The following FHIT variants were observed in gnomAD, a reference collection of about 807,000 sequenced individuals.
FHIT encodes the protein bis(5'-adenosyl)-triphosphatase.
FHIT carries 19 observed loss-of-function variants against 17.9 expected under a neutral mutation model. That is an observed-to-expected ratio of 1.06 (90% CI 0.74 to 1.56). The LOEUF is 1.56. Among genes scored for constraint, FHIT ranks in the 40% most tolerant of loss-of-function variants. The pLI, the probability that FHIT is intolerant of heterozygous loss-of-function variation, is 0.00. For synonymous variants in FHIT, 81 were observed against 69.7 expected, an observed-to-expected ratio of 1.16 and a Z score of -0.81; for missense variants, 248 against 189.2, an observed-to-expected ratio of 1.31 and a Z score of -1.82.
At position 60,607,623 on chromosome 3, in the gene FHIT, C is replaced by T. The variant is rs183604441; in HGVS notation, c.-17-70644G>A. On this transcript the variant is annotated intron_variant, in intron 4 of 9. Transcript: ENST00000492590. ...GTATCACAATTTCCCACACCACATG[C>T]GTGATAGATGTGTCTTCAACATTTG... Among the ~76,000 whole-genome samples the T allele has an allele frequency of 1.8e-3, 280 of 152,074 alleles. 1 individual carries two copies. Among genetic ancestry groups the T allele is most frequent in the Admixed American group, 0.012 (181 of 15,276 alleles).
chr3:61,134,100 T>TACACACACACACACACACACACACAC (rs150931006), intron 2 of FHIT, among the ~76,000 whole-genome samples: 1,399 of 134,886 alleles, frequency 0.01, 31 homozygotes, highest in South Asian at 0.025. Flanking sequence ...CACACACACA[T>TACACACACACACACACACACACACAC]ACACACACAC....
intron 5 of FHIT, among the ~76,000 whole-genome samples, chr3:60,076,876 C>A (rs1434363230): frequency 6.6e-6 from 1 of 151,476 alleles, no homozygotes; most frequent in South Asian, 2.1e-4. Flanking sequence ...AAGTGAGACA[C>A]GACTGACTGA....
At chr3:60,916,365 A>C (rs1707000579) in intron 3 of FHIT, among the ~76,000 whole-genome samples, 1 of 152,224 alleles carries the variant, frequency 6.6e-6, no homozygotes, top group African/African-American at 2.4e-5. Context: ...ATAACAATTC[A>C]TGCTTCTATT....
At chr3:60,380,388 G>A (rs1700748020) in intron 5 of FHIT, among the ~76,000 whole-genome samples, 1 of 152,132 alleles carries the variant, frequency 6.6e-6, no homozygotes, top group Non-Finnish European at 1.5e-5. Context: ...ACAGATGTTG[G>A]TGCCATGCTT....
At chr3:60,025,161 T>G (rs1700694917) in intron 5 of FHIT, among the ~76,000 whole-genome samples, 1 of 152,166 alleles carries the variant, frequency 6.6e-6, no homozygotes, top group Admixed American at 6.5e-5. Context: ...AGCTCACCAT[T>G]TGGAGACTTT....
chr3:61,107,976 C>T (rs1335071172), intron 2 of FHIT, among the ~76,000 whole-genome samples: 2 of 152,150 alleles, frequency 1.3e-5, no homozygotes, highest in Non-Finnish European at 2.9e-5. Context: ...TGTTATAGTT[C>T]ACGATGTACG....
intron 7 of FHIT, among the ~76,000 whole-genome samples, chr3:59,996,863 C>G (rs1012850665): frequency 6.6e-6 from 1 of 152,086 alleles, no homozygotes; most frequent in Non-Finnish European, 1.5e-5. Flanking sequence ...AGTGAAATGA[C>G]AGAACCCCTG....
At chr3:60,509,563 T>C (rs2034865422) in intron 5 of FHIT, among the ~76,000 whole-genome samples, 1 of 151,870 alleles carries the variant, frequency 6.6e-6, no homozygotes, top group Non-Finnish European at 1.5e-5. Context: ...TAACATTTGT[T>C]TATTGCCTTA....
chr3:60,202,135 T>C (rs1480088208), intron 5 of FHIT, among the ~76,000 whole-genome samples: 1 of 152,224 alleles, frequency 6.6e-6, no homozygotes, highest in African/African-American at 2.4e-5. Context: ...AGAGCATCTT[T>C]TCAGAGGAAG....
chr3:60,185,537 T>C (rs1436258705), intron 5 of FHIT, among the ~76,000 whole-genome samples: 1 of 152,206 alleles, frequency 6.6e-6, no homozygotes. Flanking sequence ...GACATTTTGG[T>C]TGTTTCCAGT....
At chr3:60,945,278 G>A (rs1262817194) in intron 3 of FHIT, among the ~76,000 whole-genome samples, 6 of 152,156 alleles carry the variant, frequency 3.9e-5, no homozygotes, top group Admixed American at 3.3e-4. Flanking sequence ...ACAGACTGCA[G>A]GGAGAAAGGA....
intron 4 of FHIT, chr3:60,765,575 G>C (rs1256354244): frequency 1.3e-5 from 2 of 152,220 alleles, no homozygotes; most frequent in Non-Finnish European, 2.9e-5. Flanking sequence ...TTGTCACAGA[G>C]AGAAATGTAA....
intron 4 of FHIT, among the ~76,000 whole-genome samples, chr3:60,610,543 T>C (rs1690375028): frequency 6.6e-6 from 1 of 152,130 alleles, no homozygotes; most frequent in South Asian, 2.1e-4. Context: ...CAAAGCCCTA[T>C]GTAAGTATTT....
intron 5 of FHIT, among the ~76,000 whole-genome samples, chr3:60,071,093 G>A (rs1702748828): frequency 1.3e-5 from 2 of 152,132 alleles, no homozygotes; most frequent in Non-Finnish European, 2.9e-5. Flanking sequence ...ATCTAGCACT[G>A]TCTTCCTTGC....
At chr3:60,640,817 C>T (rs1271004887) in intron 4 of FHIT, among the ~76,000 whole-genome samples, 2 of 152,142 alleles carry the variant, frequency 1.3e-5, no homozygotes, top group African/African-American at 4.8e-5. Flanking sequence ...TCCTTATCTG[C>T]TAAATAAACA....
intron 5 of FHIT, among the ~76,000 whole-genome samples, chr3:60,300,937 G>A (rs1283055494): frequency 6.6e-6 from 1 of 151,676 alleles, no homozygotes; most frequent in Non-Finnish European, 1.5e-5. Context: ...TACTGTAATA[G>A]TCATCTCCCA....
intron 5 of FHIT, among the ~76,000 whole-genome samples, chr3:60,042,783 G>T (rs141998116): frequency 0.014 from 2,164 of 151,918 alleles, 25 homozygotes; most frequent in Non-Finnish European, 0.022. Flanking sequence ...AAAAAAAAAA[G>T]ATATTAATGT....
intron 7 of FHIT, among the ~76,000 whole-genome samples, chr3:59,982,671 G>A (rs1708705985): frequency 6.6e-6 from 1 of 152,156 alleles, no homozygotes; most frequent in Non-Finnish European, 1.5e-5. Flanking sequence ...TCTGAGCTAG[G>A]TTAAGTGCTT....
intron 5 of FHIT, among the ~76,000 whole-genome samples, chr3:60,018,857 G>T (rs1161800658): frequency 6.6e-6 from 1 of 152,090 alleles, no homozygotes; most frequent in Non-Finnish European, 1.5e-5. Flanking sequence ...GCGGGCATCT[G>T]TAATCCCAGC....
Sources: gnomAD v4.1 joint callset for allele counts (sites outside exome capture counted in the v4.1 genomes callset) on GRCh38, gnomAD v4.1.1 for gene constraint, MANE v1.5 for transcripts, NCBI Gene and HGNC (gene_info 2026-07-23, HGNC 2026-07-21) for gene names.